SAMSN1: variants seen among roughly 807,000 people sequenced by gnomAD.
The protein encoded by SAMSN1 is SAM domain, SH3 domain and nuclear localization signals 1.
A neutral mutation model predicts 42.0 loss-of-function variants in SAMSN1; 31 were observed. The observed-to-expected ratio is 0.74, with a 90% CI of 0.55 to 1.00. SAMSN1 has a LOEUF of 1.00. Ranked by LOEUF, SAMSN1 falls within the 50% of genes least tolerant of loss-of-function variation. The probability of loss-of-function intolerance (pLI) is 0.00; values close to 1 mark genes in which losing one functional copy is unlikely to be tolerated. For synonymous variants in SAMSN1, 178 were observed against 151.9 expected, an observed-to-expected ratio of 1.17 and a Z score of -1.26; for missense variants, 464 against 439.4, an observed-to-expected ratio of 1.06 and a Z score of -0.50.
chr21:14,509,383 G>A (rs528219444), intron 5 of SAMSN1, among the ~76,000 whole-genome samples: 3 of 152,208 alleles, frequency 2.0e-5, no homozygotes, highest in African/African-American at 2.4e-5. Flanking sequence ...ATGACCCAAC[G>A]GACTTTGGGG....
In SAMSN1 at chr21:14,620,967, A is replaced by G. The variant is rs1382840079; in HGVS notation, c.157-4951T>C. Reference sequence around the variant, plus strand: ...AAAAATGAAGATTGTTCACTTGCATAACTAAAATGGTTATATTAATATTAA... The same window carrying G: ...AAAAATGAAGATTGTTCACTTGCATGACTAAAATGGTTATATTAATATTAA... On this transcript the variant is annotated intron_variant, in intron 2 of 15. Transcript: ENST00000647101. Among the ~76,000 whole-genome samples, 7 of 152,346 alleles carry G rather than the reference A, an allele frequency of 4.6e-5. No individual in the cohort carries two copies. In the East Asian group the frequency reaches 1.3e-3, roughly 29 times the overall value.
intron 2 of SAMSN1, among the ~76,000 whole-genome samples, chr21:14,565,178 C>T (rs999217740): frequency 1.3e-4 from 19 of 151,932 alleles, no homozygotes; most frequent in African/African-American, 4.6e-4. Flanking sequence ...TACCTGTAAT[C>T]CCAGCTACTC....
intron 1 of SAMSN1, among the ~76,000 whole-genome samples, chr21:14,536,205 G>A (rs961226371): frequency 3.3e-5 from 5 of 152,052 alleles, no homozygotes; most frequent in African/African-American, 1.2e-4. Context: ...GTAAAGCATG[G>A]ACTTGATTCC....
intron 1 of SAMSN1, among the ~76,000 whole-genome samples, chr21:14,648,661 A>G (rs1004915367): frequency 6.6e-6 from 1 of 150,732 alleles, no homozygotes; most frequent in East Asian, 1.9e-4. Context: ...CAAAAAACAC[A>G]TGAAAAAATG....
chr21:14,558,268 C>T (rs574147195), intron 2 of SAMSN1, among the ~76,000 whole-genome samples: 30 of 152,088 alleles, frequency 2.0e-4, no homozygotes, highest in South Asian at 4.2e-4. Flanking sequence ...TTGCAGAATC[C>T]GTACCCCTCA....
At chr21:14,568,355 A>C (rs745764) in intron 2 of SAMSN1, among the ~76,000 whole-genome samples, 1 of 152,208 alleles carries the variant, frequency 6.6e-6, no homozygotes, top group Non-Finnish European at 1.5e-5. Context: ...TAAGTGTGCC[A>C]CTGTATGACA....
At chr21:14,501,813 G>A (rs931866139) in intron 5 of SAMSN1, among the ~76,000 whole-genome samples, 1 of 152,218 alleles carries the variant, frequency 6.6e-6, no homozygotes, top group East Asian at 1.9e-4. Flanking sequence ...GCAAAGTTTA[G>A]ATTGAAGTAT....
chr21:14,498,299 A>G, intron 7 of SAMSN1, 143 bp downstream of exon 7: 1 of 677,966 alleles, frequency 1.5e-6, no homozygotes, highest in Non-Finnish European at 2.4e-6. Flanking sequence ...TATTGTTTTC[A>G]AACTTATATG....
At chr21:14,566,591 G>A (rs999991177) in intron 2 of SAMSN1, among the ~76,000 whole-genome samples, 1 of 151,852 alleles carries the variant, frequency 6.6e-6, no homozygotes, top group African/African-American at 2.4e-5. Flanking sequence ...AGGCTATAGT[G>A]CAGTGGTATG....
At chr21:14,526,360 C>T (rs2822736) in intron 1 of SAMSN1, among the ~76,000 whole-genome samples, 2 of 152,018 alleles carry the variant, frequency 1.3e-5, no homozygotes, top group Admixed American at 6.5e-5. Flanking sequence ...GCAATCACAT[C>T]GTGCAGTTAA....
intron 2 of SAMSN1, among the ~76,000 whole-genome samples, chr21:14,637,831 C>T (rs925366002): frequency 6.6e-6 from 1 of 152,166 alleles, no homozygotes; most frequent in Non-Finnish European, 1.5e-5. Context: ...GCCGGCTTAA[C>T]ACAAATTATA....
At chr21:14,603,564 C>T (rs1300179422) in intron 5 of SAMSN1, among the ~76,000 whole-genome samples, 4 of 152,180 alleles carry the variant, frequency 2.6e-5, no homozygotes, top group East Asian at 1.9e-4. Context: ...GCAGCATAAA[C>T]GGAACATGTT....
chr21:14,501,263 A>G (rs961740373), intron 5 of SAMSN1, among the ~76,000 whole-genome samples: 4 of 152,184 alleles, frequency 2.6e-5, no homozygotes, highest in African/African-American at 9.7e-5. Context: ...CAATTTATCA[A>G]CTTATAACTG....
At chr21:14,627,917 T>C (rs2123356395) in intron 2 of SAMSN1, among the ~76,000 whole-genome samples, 1 of 152,320 alleles carries the variant, frequency 6.6e-6, no homozygotes, top group South Asian at 2.1e-4. Context: ...GGGGTTTGTG[T>C]TCCTGAGACT....
At chr21:14,615,906 C>A in intron 3 of SAMSN1, 1 of 419,364 alleles carries the variant, frequency 2.4e-6, no homozygotes, top group South Asian at 5.1e-5. Context: ...GGCACGAAGT[C>A]CACTAAAAAT....
At chr21:14,572,201 C>T (rs1981323439) in intron 2 of SAMSN1, among the ~76,000 whole-genome samples, 1 of 152,088 alleles carries the variant, frequency 6.6e-6, no homozygotes. Context: ...AATAGCTTTT[C>T]TTCATTAAGT....
At chr21:14,658,341 T>C (rs1016498714) in intron 1 of SAMSN1, among the ~76,000 whole-genome samples, 5 of 151,860 alleles carry the variant, frequency 3.3e-5, no homozygotes, top group African/African-American at 1.2e-4. Flanking sequence ...TTGAAAGGAA[T>C]TCATTACTCA....
intron 2 of SAMSN1, among the ~76,000 whole-genome samples, chr21:14,620,288 G>T (rs1264516056): frequency 1.3e-5 from 2 of 152,132 alleles, no homozygotes; most frequent in Admixed American, 6.5e-5. Flanking sequence ...GGTCATGGGG[G>T]TGGTTTTCCC....
intron 1 of SAMSN1, 147 bp downstream of exon 1, chr21:14,546,058 A>G: frequency 3.0e-6 from 2 of 661,010 alleles, no homozygotes; most frequent in Non-Finnish European, 5.0e-6. Context: ...TTGCAATTTA[A>G]TTTTTCCGTA....
Sources: allele counts gnomAD v4.1 joint callset (sites outside exome capture counted in the v4.1 genomes callset), GRCh38; gene constraint gnomAD v4.1.1; transcripts MANE v1.5; gene names NCBI Gene and HGNC (gene_info 2026-07-23, HGNC 2026-07-21).